HAT1: variants seen among roughly 807,000 people sequenced by gnomAD.
The protein encoded by HAT1 is histone acetyltransferase 1.
In HAT1, 20 loss-of-function variants were observed where a neutral mutation model predicts 56.6. The observed-to-expected ratio is 0.35, with a 90% CI of 0.25 to 0.51. The LOEUF is 0.51. Among genes scored for constraint, HAT1 ranks in the 20% least tolerant of loss-of-function variants. The pLI is 0.95. For missense variants in HAT1, 408 were observed against 504.3 expected, an observed-to-expected ratio of 0.81 and a Z score of 1.83; for synonymous variants, 146 against 165.5, an observed-to-expected ratio of 0.88 and a Z score of 0.91.
chr2:171,952,914 C>T lies in HAT1; in HGVS notation c.222C>T (p.Ile74=). Residue 74 remains isoleucine, a synonymous_variant, in exon 4 of 11, where the codon ATC becomes ATT. Coordinates refer to ENST00000264108, the MANE Select transcript of HAT1 (RefSeq NM_003642.4). The part of the protein sequence containing the change: ...ETAFGYKGLK[I]LLYYIAGSLS... The stretch of plus-strand genomic sequence containing the variant: ...CTTTTGGTTACAAGGGTCTAAAGAT[C>T]CTGTTATACTATATTGCTGGTAGCC... 1 of 1,589,830 alleles carries T rather than the reference C, an allele frequency of 6.3e-7. No homozygotes were observed. Among genetic ancestry groups the T allele is most frequent in the South Asian group, 1.1e-5 (1 of 88,674 alleles).
At chr2:171,933,334 C>T (rs1187584472) in intron 2 of HAT1, among the ~76,000 whole-genome samples, 3 of 152,212 alleles carry the variant, frequency 2.0e-5, no homozygotes, top group Non-Finnish European at 2.9e-5. Flanking sequence ...GTTAGGATTG[C>T]AGGCATGAGC....
intron 4 of HAT1, among the ~76,000 whole-genome samples, chr2:171,960,210 C>G (rs1026941901): frequency 6.6e-6 from 1 of 152,044 alleles, no homozygotes; most frequent in East Asian, 1.9e-4. Context: ...AAGAAGAGAC[C>G]GGAACATTGC....
chr2:171,981,391 CTG>C (rs779833697), intron 10 of HAT1, among the ~76,000 whole-genome samples: 1 of 152,126 alleles, frequency 6.6e-6, no homozygotes, highest in Admixed American at 6.5e-5. Flanking sequence ...AATTAACTAA[CTG>C]TATCAGGTAC....
At chr2:171,937,209 A>C (rs1036132614) in intron 2 of HAT1, among the ~76,000 whole-genome samples, 1 of 152,190 alleles carries the variant, frequency 6.6e-6, no homozygotes, top group Admixed American at 6.5e-5. Flanking sequence ...AGCTTTAAAA[A>C]TTGATTAAAA....
chr2:171,953,234 T>A (rs1182655860), intron 4 of HAT1, among the ~76,000 whole-genome samples: 28 of 152,074 alleles, frequency 1.8e-4, no homozygotes, highest in Middle Eastern at 3.4e-3. Context: ...TAATTCCAGC[T>A]ACTCAGGAGG....
chr2:171,947,225 A>G (rs1687189430), intron 3 of HAT1, among the ~76,000 whole-genome samples: 1 of 152,124 alleles, frequency 6.6e-6, no homozygotes, highest in African/African-American at 2.4e-5. Context: ...ATGATCAAAT[A>G]AGCAGTTGAG....
Position 171,953,300 on chromosome 2 carries a change from C to T in HAT1, c.309+299C>T, listed in dbSNP as rs117492193. Among the ~76,000 whole-genome samples the T allele has an allele frequency of 7.4e-4, 112 of 151,974 alleles. 1 individual carries two copies. In the East Asian group the frequency reaches 0.015, roughly 20 times the overall value. ...GGCAGAGGCTACAGTCAGCTGAGAT[C>T]ATGCCACTGTACTACAGCCTGGATG... On this transcript the variant is annotated intron_variant, in intron 4 of 10. Transcript: ENST00000264108.
intron 2 of HAT1, among the ~76,000 whole-genome samples, chr2:171,930,884 G>A (rs1264472798): frequency 6.6e-6 from 1 of 151,842 alleles, no homozygotes; most frequent in Non-Finnish European, 1.5e-5. Flanking sequence ...CAAAGTGCTA[G>A]GGTTGCAGAC....
At chr2:171,975,848 C>T (rs549017157) in intron 8 of HAT1, among the ~76,000 whole-genome samples, 1 of 151,162 alleles carries the variant, frequency 6.6e-6, no homozygotes, top group South Asian at 2.1e-4. Flanking sequence ...TTTTCTTTTT[C>T]ATTGATTTCT....
chr2:171,934,673 T>C (rs1327821069), intron 2 of HAT1, among the ~76,000 whole-genome samples: 1 of 151,570 alleles, frequency 6.6e-6, no homozygotes, highest in African/African-American at 2.4e-5. Context: ...TTAGTTCTCA[T>C]GAATGTAAAG....
chr2:171,938,900 C>T lies in HAT1; in HGVS notation c.113-7808C>T, dbSNP rs1273189040. On this transcript the variant is annotated intron_variant, in intron 2 of 10. Transcript: ENST00000264108. ...GGACTATGGGTGTATACCACCAAACCCCACTAATTTTTGTAATTTTAGTAG... is the reference window on the plus strand; with the variant it reads ...GGACTATGGGTGTATACCACCAAACTCCACTAATTTTTGTAATTTTAGTAG... 2.0e-5 allele frequency among the ~76,000 whole-genome samples: 3 copies of T among 152,118 alleles called. No homozygotes were observed. In the East Asian group the frequency reaches 5.8e-4, roughly 29 times the overall value.
intron 10 of HAT1, among the ~76,000 whole-genome samples, chr2:171,982,757 T>C (rs942873768): frequency 6.6e-6 from 1 of 152,226 alleles, no homozygotes; most frequent in Non-Finnish European, 1.5e-5. Flanking sequence ...CCGTAAGTAC[T>C]TCACTGGGTG....
intron 8 of HAT1, among the ~76,000 whole-genome samples, chr2:171,967,326 C>T (rs1687706625): frequency 6.6e-6 from 1 of 152,094 alleles, no homozygotes; most frequent in African/African-American, 2.4e-5. Flanking sequence ...ATAAACTTTA[C>T]TGAGAAAAAA....
At chr2:171,953,626 TAAAAAAAAAAAAAAAAAAAAAAAAA>T (rs587686867) in intron 4 of HAT1, among the ~76,000 whole-genome samples, 29 of 84,614 alleles carry the variant, frequency 3.4e-4, no homozygotes, top group African/African-American at 1.4e-3. Flanking sequence ...CCCTGTCTCT[TAAAAAAAAAAAAAAAAAAAAAAAAA>T]AAAATTAAGG....
chr2:171,961,762 TTTG>T (rs1053387253), intron 4 of HAT1, among the ~76,000 whole-genome samples: 1 of 152,206 alleles, frequency 6.6e-6, no homozygotes, highest in African/African-American at 2.4e-5. Context: ...TAATATGACC[TTTG>T]TTTTTCCATT....
chr2:171,976,298 A>G lies in HAT1; in HGVS notation c.965A>G (p.Lys322Arg), dbSNP rs762247780. Residue 322 changes from lysine (K) to arginine (R), a missense_variant, in exon 9 of 11, where the codon AAA becomes AGA. By Grantham distance (26) the Lys-to-Arg change is conservative (BLOSUM62 2). Coordinates refer to ENST00000264108, the MANE Select transcript of HAT1 (RefSeq NM_003642.4). Reference protein sequence around the residue: ...DMVIEAQQKFKINKQHARRVY... With the variant: ...DMVIEAQQKFRINKQHARRVY... ...GTGATAGAGGCACAACAGAAGTTCA[A>G]AATAAATAAGGTATTTTTATTCTGT... 9.6e-6 allele frequency: 15 copies of G among 1,563,882 alleles called. 1 individual carries two copies. In the South Asian group the frequency reaches 9.7e-5, roughly 10 times the overall value.
intron 9 of HAT1, 79 bp from the exon 10 acceptor site, chr2:171,979,168 A>T (rs1461073360): frequency 5.5e-6 from 4 of 728,198 alleles, no homozygotes; most frequent in East Asian, 2.5e-5. Context: ...GCAGATATTA[A>T]ATATATCCTG....
At chr2:171,947,456 A>G (rs941247529) in intron 3 of HAT1, among the ~76,000 whole-genome samples, 7 of 151,618 alleles carry the variant, frequency 4.6e-5, no homozygotes, top group African/African-American at 7.3e-5. Flanking sequence ...GGGTCTCCCT[A>G]TGTTGCCCAG....
chr2:171,964,601 A>G (rs1192184401), intron 4 of HAT1, among the ~76,000 whole-genome samples: 2 of 152,194 alleles, frequency 1.3e-5, no homozygotes, highest in Non-Finnish European at 2.9e-5. Flanking sequence ...TAGTAAATGT[A>G]TTCAATCAAG....
Sources: allele counts gnomAD v4.1 joint callset (sites outside exome capture counted in the v4.1 genomes callset), GRCh38; gene constraint gnomAD v4.1.1; transcripts MANE v1.5; gene names NCBI Gene and HGNC (gene_info 2026-07-23, HGNC 2026-07-21).